Variants in TENM4 observed in about 807,000 individuals in gnomAD.
TENM4 encodes the protein teneurin-4.
A neutral mutation model predicts 243.3 loss-of-function variants in TENM4; 82 were observed. The observed-to-expected ratio is 0.34, with a 90% confidence interval of 0.28 to 0.40. TENM4 has a LOEUF of 0.40. TENM4 is among the 10% of genes least tolerant of loss of function. The probability of loss-of-function intolerance (pLI) is 1.00; values close to 1 mark genes in which losing one functional copy is unlikely to be tolerated. For missense variants in TENM4, 3,138 were observed against 3,673.3 expected (o/e 0.85, Z 3.77); for synonymous variants, 1,412 against 1,456.3 (o/e 0.97, Z 0.69).
At chr11:79,180,868 CAT>C (rs944918357) in intron 3 of TENM4, among the ~76,000 whole-genome samples, 13 of 150,080 alleles carry the variant, frequency 8.7e-5, no homozygotes, top group African/African-American at 2.2e-4. Context: ...TATACACACA[CAT>C]ATATATATGT....
intron 23 of TENM4, among the ~76,000 whole-genome samples, chr11:78,724,931 C>G (rs920754116): frequency 6.6e-6 from 1 of 152,166 alleles, no homozygotes; most frequent in Non-Finnish European, 1.5e-5. Context: ...GAGTGGAGCA[C>G]AGAGAGAGAG....
intron 2 of TENM4, among the ~76,000 whole-genome samples, chr11:79,247,949 C>G (rs1855548708): frequency 6.6e-6 from 1 of 152,174 alleles, no homozygotes; most frequent in African/African-American, 2.4e-5. Flanking sequence ...TAGCCCTTGC[C>G]TGTGGCCAGA....
chr11:79,014,421 G>T (rs187725910), intron 6 of TENM4: 10 of 152,266 alleles, frequency 6.6e-5, no homozygotes, highest in African/African-American at 1.9e-4. Flanking sequence ...TCTAATTAAG[G>T]CTCACAATGA....
At chr11:78,871,567 C>G (rs924149647) in intron 9 of TENM4, among the ~76,000 whole-genome samples, 1 of 152,198 alleles carries the variant, frequency 6.6e-6, no homozygotes, top group Non-Finnish European at 1.5e-5. Flanking sequence ...CTGAGCTAAG[C>G]CCAGTTCTTC....
At chr11:78,865,385 G>A (rs1858944175) in intron 9 of TENM4, among the ~76,000 whole-genome samples, 1 of 152,194 alleles carries the variant, frequency 6.6e-6, no homozygotes, top group African/African-American at 2.4e-5. Flanking sequence ...TCGGCATCAA[G>A]GCCCAGGCTT....
chr11:78,995,443 T>C (rs1345096443), intron 6 of TENM4, among the ~76,000 whole-genome samples: 1 of 152,170 alleles, frequency 6.6e-6, no homozygotes, highest in Non-Finnish European at 1.5e-5. Context: ...AGGGGATTTA[T>C]GGGACTGGAG....
At chr11:79,347,002 C>T (rs945055548) in intron 1 of TENM4, among the ~76,000 whole-genome samples, 2 of 152,188 alleles carry the variant, frequency 1.3e-5, no homozygotes, top group African/African-American at 4.8e-5. Flanking sequence ...CACAGGTCCC[C>T]TCCAAGCTCT....
intron 16 of TENM4, among the ~76,000 whole-genome samples, chr11:78,785,814 G>A (rs1856923572): frequency 6.6e-6 from 1 of 152,124 alleles, no homozygotes; most frequent in Admixed American, 6.5e-5. Flanking sequence ...AGGGGTAAGA[G>A]GTAGCTCTGT....
At chr11:78,730,846 G>A (rs1354873225) in intron 21 of TENM4, among the ~76,000 whole-genome samples, 1 of 152,138 alleles carries the variant, frequency 6.6e-6, no homozygotes, top group Non-Finnish European at 1.5e-5. Flanking sequence ...TAGGGATTGG[G>A]CTTAAACTAA....
intron 18 of TENM4, among the ~76,000 whole-genome samples, chr11:78,760,052 T>C (rs933078016): frequency 4.6e-5 from 7 of 152,222 alleles, no homozygotes; most frequent in African/African-American, 1.7e-4. Context: ...TATTGTAATT[T>C]TGATTTTCTC....
At position 79,438,399 on chromosome 11, in the gene TENM4, C is replaced by A. The variant is rs1859323404; in HGVS notation, c.-321+2110G>T. On this transcript the variant is annotated intron_variant, in intron 1 of 33. Coordinates refer to ENST00000278550, the MANE Select transcript of TENM4 (RefSeq NM_001098816.3). This position sits in a 1 kb window ranked among gnomAD's most constrained non-coding sequence, Gnocchi z 4.1. ...AACTGCTGTCTGCAGAGGCGAGAGG[C>A]GAAGGAACGGAAGCCATACCCGACC... is the stretch of plus-strand genomic sequence containing the variant. 6.6e-6 allele frequency among the ~76,000 whole-genome samples: 1 copy of A among 152,190 alleles called. No individual in the cohort carries two copies. Among genetic ancestry groups the A allele is most frequent in the African/African-American group, 2.4e-5 (1 of 41,448 alleles).
At chr11:79,282,113 G>A (rs1856167016) in intron 2 of TENM4, among the ~76,000 whole-genome samples, 1 of 152,156 alleles carries the variant, frequency 6.6e-6, no homozygotes, top group Non-Finnish European at 1.5e-5. Context: ...AAGCCACAAT[G>A]AGATACCACT....
chr11:79,046,189 C>A (rs557109551), intron 6 of TENM4, among the ~76,000 whole-genome samples: 1 of 152,304 alleles, frequency 6.6e-6, no homozygotes, highest in South Asian at 2.1e-4. Flanking sequence ...TGTGTCCTGG[C>A]CCAGCCTGGT....
intron 4 of TENM4, among the ~76,000 whole-genome samples, chr11:79,147,363 C>T (rs947242113): frequency 1.3e-5 from 2 of 152,060 alleles, no homozygotes; most frequent in South Asian, 2.1e-4. Context: ...GCTATGGCAT[C>T]AGTGAGAGAT....
At chr11:78,802,538 C>T (rs1355691087) in intron 15 of TENM4, among the ~76,000 whole-genome samples, 2 of 152,224 alleles carry the variant, frequency 1.3e-5, no homozygotes, top group South Asian at 2.1e-4. Context: ...TGAGGAGGAA[C>T]GTGGCCTGTG....
At chr11:79,054,693 G>A (rs555428973) in intron 6 of TENM4, among the ~76,000 whole-genome samples, 35 of 152,124 alleles carry the variant, frequency 2.3e-4, no homozygotes, top group Non-Finnish European at 3.8e-4. Flanking sequence ...CGATCCTCCC[G>A]CCTTGGCCTC....
chr11:78,800,643 T>C (rs1368481227), intron 15 of TENM4, among the ~76,000 whole-genome samples: 2 of 152,070 alleles, frequency 1.3e-5, no homozygotes, highest in Non-Finnish European at 2.9e-5. Context: ...ATTCACTGGT[T>C]AAGTCATTCA....
intron 19 of TENM4, among the ~76,000 whole-genome samples, chr11:78,746,971 A>G (rs1252417668): frequency 6.6e-6 from 1 of 152,184 alleles, no homozygotes; most frequent in Non-Finnish European, 1.5e-5. Context: ...TCACCAGGAA[A>G]GGGGAAACCA....
chr11:79,242,005 G>A (rs530962661), intron 2 of TENM4, among the ~76,000 whole-genome samples: 1 of 152,290 alleles, frequency 6.6e-6, no homozygotes, highest in East Asian at 1.9e-4. Flanking sequence ...CAACCAGCCC[G>A]AATTTCATTT....
Sources: allele counts gnomAD v4.1 joint callset (sites outside exome capture counted in the v4.1 genomes callset), GRCh38; gene constraint gnomAD v4.1.1; non-coding constraint Gnocchi (gnomAD v3.1); transcripts MANE v1.5; gene names NCBI Gene and HGNC (gene_info 2026-07-23, HGNC 2026-07-21).